The following LNPK variants were observed in gnomAD, a reference collection of about 807,000 sequenced individuals.
The protein encoded by LNPK is endoplasmic reticulum junction formation protein lunapark.
A neutral mutation model predicts 55.2 loss-of-function variants in LNPK; 29 were observed. The observed-to-expected ratio is 0.53, with a 90% confidence interval of 0.39 to 0.72. LNPK has a LOEUF of 0.72. Among genes scored for constraint, LNPK ranks in the 30% least tolerant of loss-of-function variants. The pLI is 0.00. For missense variants in LNPK, 467 were observed against 494.8 expected (o/e 0.94, Z 0.53); for synonymous variants, 162 against 168.2 (o/e 0.96, Z 0.29).
At position 175,928,698 on chromosome 2, in the gene LNPK, AAT is replaced by A. The variant is rs1408496170; in HGVS notation, c.*1267_*1268del. 1 of 151,958 alleles carries A rather than the reference AAT, an allele frequency of 6.6e-6. No individual in the cohort carries two copies. The allele number at this position is 151,958 out of a possible 1,614,324, so 9.4% of individuals were successfully genotyped here. A position where few individuals can be genotyped will look rare whatever the true frequency, so the allele number is the denominator to read the frequency against. ...TAATAATTTGATTTCCATTTTTTTT[AAT>A]ATTGGAGAAGAGAGATAAAAGGAGG... On this transcript the variant is annotated 3_prime_UTR_variant, in exon 13 of 13. Transcript: ENST00000272748.
intron 5 of LNPK, among the ~76,000 whole-genome samples, chr2:175,977,543 T>C (rs1167350258): frequency 1.3e-5 from 2 of 152,074 alleles, no homozygotes; most frequent in East Asian, 3.9e-4. Flanking sequence ...CAAAGAAGCT[T>C]AAAAAGTTTT....
intron 1 of LNPK, among the ~76,000 whole-genome samples, chr2:175,997,055 A>G (rs1017529934): frequency 1.3e-5 from 2 of 152,164 alleles, no homozygotes; most frequent in African/African-American, 4.8e-5. Flanking sequence ...AAGTAAGCAC[A>G]CTCACTCTGC....
intron 6 of LNPK, among the ~76,000 whole-genome samples, chr2:175,968,066 G>C (rs1244385189): frequency 6.6e-6 from 1 of 152,066 alleles, no homozygotes; most frequent in East Asian, 1.9e-4. Context: ...CCATTAATAA[G>C]AGAGTGCCAT....
intron 6 of LNPK, among the ~76,000 whole-genome samples, chr2:175,969,296 T>TTAAGTTGTCATTTAA (rs1686539039): frequency 6.6e-6 from 1 of 152,218 alleles, no homozygotes; most frequent in Non-Finnish European, 1.5e-5. Context: ...CTTTTTCAAC[T>TTAAGTTGTCATTTAA]GTTGTCAGAC....
chr2:175,960,782 G>C (rs749834886), intron 8 of LNPK, among the ~76,000 whole-genome samples: 1 of 152,012 alleles, frequency 6.6e-6, no homozygotes, highest in Non-Finnish European at 1.5e-5. Flanking sequence ...GCTGGTTTTT[G>C]AAAAGACCAG....
intron 8 of LNPK, among the ~76,000 whole-genome samples, chr2:175,959,801 T>C (rs1037416642): frequency 1.3e-5 from 2 of 152,050 alleles, no homozygotes; most frequent in African/African-American, 2.4e-5. Flanking sequence ...CAGTGTGCTG[T>C]ATTCAGGAAA....
rs1407153094 is a variant in LNPK at position 175,924,640 on chromosome 2, T to G, written c.*5327A>C. On this transcript the variant is annotated 3_prime_UTR_variant, in exon 13 of 13. Coordinates refer to ENST00000272748, the MANE Select transcript of LNPK (RefSeq NM_030650.3). ...ATGACCCTGTGTCTTAGCCCATTTG[T>G]GTTGTTAAGGAATACCTGAGGCTGG... 1 of 151,366 alleles carries G rather than the reference T, an allele frequency of 6.6e-6. No homozygotes were observed. The highest frequency in any genetic ancestry group is 1.5e-5 in the Non-Finnish European group (1 of 67,958). The allele number at this position is 151,366 out of a possible 1,614,324, so 9.4% of individuals were successfully genotyped here.
At chr2:175,972,101 G>A (rs760065188) in intron 5 of LNPK, among the ~76,000 whole-genome samples, 2 of 151,828 alleles carry the variant, frequency 1.3e-5, no homozygotes, top group East Asian at 1.9e-4. Flanking sequence ...TTTTTAGTAC[G>A]GACAGGGTTT....
chr2:175,939,285 A>C (rs1243974833), intron 10 of LNPK, among the ~76,000 whole-genome samples: 1 of 152,150 alleles, frequency 6.6e-6, no homozygotes, highest in Non-Finnish European at 1.5e-5. Flanking sequence ...TTTGCTTTTT[A>C]AGTTTAAAAG....
intron 8 of LNPK, among the ~76,000 whole-genome samples, chr2:175,951,472 G>C (rs1030667857): frequency 3.3e-5 from 5 of 151,144 alleles, no homozygotes; most frequent in Non-Finnish European, 7.4e-5. Context: ...TACGATGTTT[G>C]GTTTTCCATT....
chr2:175,932,057 C>G, intron 12 of LNPK: 1 of 388,740 alleles, frequency 2.6e-6, no homozygotes, highest in South Asian at 1.9e-5. Context: ...AATGAAAAAA[C>G]AAAAAGCTAA....
intron 5 of LNPK, among the ~76,000 whole-genome samples, chr2:175,974,783 G>T (rs940550256): frequency 6.6e-6 from 1 of 151,874 alleles, no homozygotes. Flanking sequence ...CTATGTGACT[G>T]CAAGACAATC....
At chr2:175,974,116 GTAGT>G (rs1235307567) in intron 5 of LNPK, among the ~76,000 whole-genome samples, 2 of 152,116 alleles carry the variant, frequency 1.3e-5, no homozygotes, top group Non-Finnish European at 2.9e-5. Context: ...ATGATGATAA[GTAGT>G]TAGTATGGTA....
At chr2:175,936,992 TTTGAACAG>T (rs764445266) in intron 12 of LNPK, among the ~76,000 whole-genome samples, 5 of 152,186 alleles carry the variant, frequency 3.3e-5, no homozygotes, top group Admixed American at 6.5e-5. Flanking sequence ...TATTTTATCC[TTTGAACAG>T]TTGTTTCATA....
At chr2:175,956,614 G>A (rs1324318399) in intron 8 of LNPK, among the ~76,000 whole-genome samples, 1 of 152,138 alleles carries the variant, frequency 6.6e-6, no homozygotes, top group Non-Finnish European at 1.5e-5. Flanking sequence ...TTGAAAATGT[G>A]AAAACATTCT....
chr2:175,930,701 G>A (rs1040616092), intron 12 of LNPK, among the ~76,000 whole-genome samples: 44 of 152,100 alleles, frequency 2.9e-4, no homozygotes, highest in South Asian at 2.1e-4. Context: ...TGGATGGTGC[G>A]TTCCTACACT....
chr2:175,944,694 G>A (rs978116394), intron 9 of LNPK, among the ~76,000 whole-genome samples: 1 of 151,978 alleles, frequency 6.6e-6, no homozygotes, highest in African/African-American at 2.4e-5. Flanking sequence ...GGGATACAAG[G>A]GTTTCAAAAT....
Position 175,997,276 on chromosome 2 carries a change from C to A in LNPK, c.-62-1630G>T, listed in dbSNP as rs552714975. Among the ~76,000 whole-genome samples the A allele has an allele frequency of 2.6e-5, 4 of 152,246 alleles. No individual in the cohort carries two copies. The East Asian group carries it at 7.7e-4, about 29-fold the overall frequency. ...AAGTTGCAATCTAAATATTATTAAT[C>A]ATTTAGTATTTGCTTAGTACTCAAA... On this transcript the variant is annotated intron_variant, in intron 1 of 12. Coordinates refer to ENST00000272748, the MANE Select transcript of LNPK (RefSeq NM_030650.3).
chr2:175,965,924 T>C (rs796208066), intron 6 of LNPK, among the ~76,000 whole-genome samples: 10 of 152,284 alleles, frequency 6.6e-5, no homozygotes, highest in African/African-American at 2.4e-4. Flanking sequence ...GACTTTTGAT[T>C]TTTTAGCAGT....
Sources: gnomAD v4.1 joint callset for allele counts (sites outside exome capture counted in the v4.1 genomes callset) on GRCh38, gnomAD v4.1.1 for gene constraint, MANE v1.5 for transcripts, NCBI Gene and HGNC (gene_info 2026-07-23, HGNC 2026-07-21) for gene names.